Variants in KLC1 observed in about 807,000 individuals in gnomAD.
The protein encoded by KLC1 is kinesin 2 60/70kDa.
In KLC1, 30 loss-of-function variants were observed where a neutral mutation model predicts 84.2. The observed-to-expected ratio is 0.36, with a 90% CI of 0.27 to 0.48. KLC1 has a LOEUF of 0.48. Ranked by LOEUF, KLC1 falls within the 20% of genes least tolerant of loss-of-function variation. The pLI is 0.99. For synonymous variants in KLC1, 289 were observed against 293.3 expected, an observed-to-expected ratio of 0.99 and a Z score of 0.15; for missense variants, 499 against 805.4, an observed-to-expected ratio of 0.62 and a Z score of 4.60.
intron 2 of KLC1, 81 bp from the exon 3 acceptor site, chr14:103,657,465 A>G (rs367556543): frequency 1.9e-6 from 2 of 1,051,040 alleles, no homozygotes; most frequent in Admixed American, 1.9e-5. Context: ...CTACAGCCCC[A>G]GCCACAGAAT....
At chr14:103,666,308 C>T (rs902883323) in intron 5 of KLC1, among the ~76,000 whole-genome samples, 7 of 152,126 alleles carry the variant, frequency 4.6e-5, no homozygotes, top group African/African-American at 1.7e-4. Flanking sequence ...TGTGATCCAC[C>T]CGCCTTGGCC....
At chr14:103,685,101 C>T (rs1176014168) in intron 13 of KLC1, 7 of 1,530,132 alleles carry the variant, frequency 4.6e-6, no homozygotes, top group Non-Finnish European at 6.2e-6. Flanking sequence ...GTCGGCTTTC[C>T]AACCTGGCAG....
intron 7 of KLC1, among the ~76,000 whole-genome samples, chr14:103,672,453 A>G (rs2080479760): frequency 1.3e-5 from 2 of 152,332 alleles, no homozygotes; most frequent in Non-Finnish European, 2.9e-5. Flanking sequence ...AAAATATTCA[A>G]GGTAGTTTAG....
At chr14:103,662,506 TG>T (rs938961401) in intron 4 of KLC1, among the ~76,000 whole-genome samples, 195 bp from the exon 5 acceptor site, 37 of 151,952 alleles carry the variant, frequency 2.4e-4, no homozygotes, top group Admixed American at 4.6e-4. Context: ...TGGCACTGAG[TG>T]GCCATGTTGC....
At position 103,694,250 on chromosome 14, in the gene KLC1, CTT is replaced by C. The variant is rs34994116; in HGVS notation, c.1848+1843_1848+1844del. On this transcript the variant is annotated intron_variant, in intron 15 of 16. Transcript: ENST00000334553. The surrounding 1 kb of genome is among the most constrained non-coding windows in gnomAD (Gnocchi z 4.5). ...GAAGCCCATAGAGACGTGTGTTTCA[CTT>C]TTTTTTTTTTTTTTTTTGAGACGGA... The C allele has an allele frequency of 0.011, 9,904 of 893,142 alleles. 57 individuals are homozygous for C. Among genetic ancestry groups the C allele is most frequent in the African/African-American group, 0.062 (3,073 of 49,262 alleles). 55.3% of individuals were successfully genotyped at this position (893,142 alleles called of 1,614,324 possible). A position where few individuals can be genotyped will look rare whatever the true frequency, so the allele number is the denominator to read the frequency against.
In KLC1 at chr14:103,701,354, A is replaced by G. The variant is rs1434219829; in HGVS notation, c.*155A>G. 5.3e-6 allele frequency: 4 copies of G among 756,418 alleles called. No individual in the cohort carries two copies. Among genetic ancestry groups the G allele is most frequent in the Non-Finnish European group, 8.3e-6 (4 of 482,526 alleles). 46.9% of individuals were successfully genotyped at this position (756,418 alleles called of 1,614,324 possible). Reference sequence around the variant, plus strand: ...GTGTGCATAGGACATGATACTAATAACCACACGGCTGGCGTGACCTTGGGG... The same window carrying G: ...GTGTGCATAGGACATGATACTAATAGCCACACGGCTGGCGTGACCTTGGGG... On this transcript the variant is annotated 3_prime_UTR_variant, in exon 17 of 17. Coordinates refer to ENST00000334553, the MANE Select transcript of KLC1 (RefSeq NM_001394837.1).
At chr14:103,674,662 G>GCC (rs763939627) in intron 9 of KLC1, among the ~76,000 whole-genome samples, 4 of 152,052 alleles carry the variant, frequency 2.6e-5, no homozygotes, top group Non-Finnish European at 5.9e-5. Flanking sequence ...TGATCCTCCT[G>GCC]CCTAAGTCCC....
chr14:103,652,117 T>TACATCCAAG (rs2078495896), intron 1 of KLC1, among the ~76,000 whole-genome samples: 1 of 152,234 alleles, frequency 6.6e-6, no homozygotes, highest in African/African-American at 2.4e-5. Context: ...CATTTGGATA[T>TACATCCAAG]AATACATAAA....
intron 13 of KLC1, chr14:103,685,108 G>T (rs2081675881): frequency 6.6e-7 from 1 of 1,526,180 alleles, no homozygotes. Flanking sequence ...TTCCAACCTG[G>T]CAGGACCCAG....
At chr14:103,698,800 A>G in intron 15 of KLC1, 1 of 1,594,466 alleles carries the variant, frequency 6.3e-7, no homozygotes, top group Non-Finnish European at 8.5e-7. Flanking sequence ...CCACCGTGTC[A>G]GTGGGACTGG....
intron 14 of KLC1, chr14:103,687,937 C>T (rs528504396): frequency 2.0e-5 from 3 of 152,340 alleles, no homozygotes; most frequent in South Asian, 4.1e-4. Flanking sequence ...ATGAGGCAGA[C>T]TTTTGCCAGC....
chr14:103,701,146 A>G lies in KLC1; in HGVS notation c.*2-55A>G, dbSNP rs371755597. On this transcript the variant is annotated intron_variant, in intron 16 of 16. Coordinates refer to ENST00000334553, the MANE Select transcript of KLC1 (RefSeq NM_001394837.1). ...GAGAGCTGTTTCCAGAACAGAACTT[A>G]GTAACACTGTCAGGTTTTGGCGGCC... The G allele has an allele frequency of 7.8e-6, 12 of 1,546,970 alleles. No homozygotes were observed. In the African/African-American group the frequency reaches 8.2e-5, roughly 11 times the overall value.
At chr14:103,639,648 C>T (rs561387015) in intron 1 of KLC1, among the ~76,000 whole-genome samples, 140 of 152,058 alleles carry the variant, frequency 9.2e-4, no homozygotes, top group African/African-American at 3.3e-3. Context: ...CTGTATTCCC[C>T]AGGCTGGTCT....
chr14:103,666,165 G>A (rs987498565), intron 5 of KLC1, among the ~76,000 whole-genome samples: 7 of 151,944 alleles, frequency 4.6e-5, no homozygotes, highest in Non-Finnish European at 8.8e-5. Context: ...CCGGGTTCAC[G>A]CCATTCTCCT....
At chr14:103,673,480 GACTAATAGTAATAT>G (rs1416000740) in intron 9 of KLC1, 49 bp downstream of exon 9, 1 of 1,181,320 alleles carries the variant, frequency 8.5e-7, no homozygotes, top group South Asian at 1.4e-5. Context: ...ATAATGACTT[GACTAATAGTAATAT>G]ACTAATAGTA....
chr14:103,653,531 G>A (rs1254697566), intron 1 of KLC1, among the ~76,000 whole-genome samples: 1 of 152,064 alleles, frequency 6.6e-6, no homozygotes, highest in Non-Finnish European at 1.5e-5. Flanking sequence ...CGTGTTGGCC[G>A]GCTGGTTTTG....
At chr14:103,638,101 A>G (rs1027084179) in intron 1 of KLC1, among the ~76,000 whole-genome samples, 13 of 151,782 alleles carry the variant, frequency 8.6e-5, no homozygotes, top group African/African-American at 2.9e-4. Flanking sequence ...GCGCCTGTAT[A>G]TGGGGATGGG....
intron 1 of KLC1, among the ~76,000 whole-genome samples, chr14:103,652,325 G>A (rs1249979791): frequency 2.6e-5 from 4 of 152,140 alleles, no homozygotes; most frequent in Non-Finnish European, 4.4e-5. Flanking sequence ...GTGCCAGGCC[G>A]GGGATATATC....
In KLC1 at chr14:103,648,982, C is replaced by A. The variant is rs1258261902; in HGVS notation, c.-1-5582C>A. Among the ~76,000 whole-genome samples the A allele has an allele frequency of 2.0e-5, 3 of 150,494 alleles. No individual in the cohort carries two copies. In the East Asian group the frequency reaches 5.9e-4, roughly 30 times the overall value. On this transcript the variant is annotated intron_variant, in intron 1 of 16. Coordinates refer to ENST00000334553, the MANE Select transcript of KLC1 (RefSeq NM_001394837.1). Reference sequence around the variant, plus strand: ...CGAAACTGTGTCTCTACTAAAAATACAAAAGTTAGCTGGGTATGGTGGTGC... The same window carrying A: ...CGAAACTGTGTCTCTACTAAAAATAAAAAAGTTAGCTGGGTATGGTGGTGC...
Sources: gnomAD v4.1 joint callset for allele counts (sites outside exome capture counted in the v4.1 genomes callset) on GRCh38, gnomAD v4.1.1 for gene constraint, Gnocchi (gnomAD v3.1) non-coding constraint, MANE v1.5 for transcripts, NCBI Gene and HGNC (gene_info 2026-07-23, HGNC 2026-07-21) for gene names.